The following CNIH2 variants were observed in gnomAD, a reference collection of about 807,000 sequenced individuals.
The protein encoded by CNIH2 is cornichon family AMPA receptor auxiliary protein 2, also known as protein cornichon homolog 2.
A neutral mutation model predicts 22.9 loss-of-function variants in CNIH2; 8 were observed. The ratio of observed to expected loss-of-function variants is 0.35; its 90% CI spans 0.20 to 0.63. The LOEUF (loss-of-function observed/expected upper bound fraction) is 0.63, where lower values mean the gene tolerates loss of function less well. Among genes scored for constraint, CNIH2 ranks in the 30% least tolerant of loss-of-function variants. The pLI, the probability that CNIH2 is intolerant of heterozygous loss-of-function variation, is 0.72. For synonymous variants in CNIH2, 74 were observed against 78.2 expected, an observed-to-expected ratio of 0.95 and a Z score of 0.28; for missense variants, 105 against 206.2, an observed-to-expected ratio of 0.51 and a Z score of 3.01.
chr11:66,283,469 T>G, intron 5 of CNIH2, 78 bp downstream of exon 5: 1 of 1,610,982 alleles, frequency 6.2e-7, no homozygotes, highest in Non-Finnish European at 8.5e-7. Context: ...AGTTCCTGCC[T>G]TTTGCCCCTG....
In CNIH2 at chr11:66,284,023, AG is replaced by A. The variant is rs1378008691; in HGVS notation, c.*432del. On this transcript the variant is annotated 3_prime_UTR_variant, in exon 6 of 6. Transcript: ENST00000311445. ...CGCACCGGGAATGAGCAGGCTCAGC[AG>A]GGGGGCAGCCCCACCCCTAGTCTGC... The A allele has an allele frequency of 2.9e-5, 6 of 209,710 alleles. No individual in the cohort carries two copies. Among genetic ancestry groups the A allele is most frequent in the East Asian group, 2.6e-4 (2 of 7,732 alleles). The allele number at this position is 209,710 out of a possible 1,614,324, so 13.0% of individuals were successfully genotyped here.
rs138296959 is a variant in CNIH2 at position 66,282,306 on chromosome 11, C to T, written c.129C>T (p.Asp43=). Reference sequence around the variant, plus strand: ...GGACCGACTTCAAGAACCCCATCGACCAGGGGAACCCTGCGCGGGCAGTAA... The same window carrying T: ...GGACCGACTTCAAGAACCCCATCGATCAGGGGAACCCTGCGCGGGCAGTAA... The part of the protein sequence containing the change: ...ELRTDFKNPI[D]QGNPARARER... The change falls in exon 2 of 6, where the codon GAC becomes GAT. Residue 43 remains aspartate, a synonymous_variant. Transcript: ENST00000311445. 182 of 1,613,648 alleles carry T rather than the reference C, an allele frequency of 1.1e-4. No individual in the cohort carries two copies. Among genetic ancestry groups the T allele is most frequent in the Non-Finnish European group, 1.5e-4 (178 of 1,180,002 alleles).
intron 2 of CNIH2, 77 bp downstream of exon 2, chr11:66,282,404 C>T: frequency 4.0e-5 from 4 of 100,726 alleles, no homozygotes; most frequent in South Asian, 7.0e-5. Flanking sequence ...GGGTGGGAGA[C>T]GGGAAGACGG....
Position 66,278,464 on chromosome 11 carries a change from T to A in CNIH2, c.8T>A (p.Phe3Tyr), listed in dbSNP as rs763563381. ...CCGCCCGGCGCGGGGGCCATGGCGT[T>A]CACCTTCGCCGCGTTCTGCTACATG... MA[F>Y]TFAAFCYMLT... Residue 3 changes from phenylalanine (F) to tyrosine (Y), a missense_variant, in exon 1 of 6, where the codon TTC becomes TAC. Transcript: ENST00000311445. 1 of 1,412,472 alleles carries A rather than the reference T, an allele frequency of 7.1e-7. No homozygotes were observed. The highest frequency in any genetic ancestry group is 9.3e-7 in the Non-Finnish European group (1 of 1,072,002). The allele number at this position is 1,412,472 out of a possible 1,614,324, so 87.5% of individuals were successfully genotyped here.
chr11:66,281,173 A>G lies in CNIH2; in HGVS notation c.82-1086A>G, dbSNP rs536226591. ...TACAACTCTCCTCACTCAGACCACC[A>G]TCAGCCCTGCCCCTAACCCTCCAAA... On this transcript the variant is annotated intron_variant, in intron 1 of 5. Transcript: ENST00000311445. 1.8e-4 allele frequency among the ~76,000 whole-genome samples: 27 copies of G among 152,178 alleles called. No homozygotes were observed. The East Asian group carries it at 2.7e-3, about 15-fold the overall frequency.
chr11:66,280,574 G>A (rs926841426), intron 1 of CNIH2, among the ~76,000 whole-genome samples: 1 of 152,198 alleles, frequency 6.6e-6, no homozygotes, highest in African/African-American at 2.4e-5. Flanking sequence ...ACGCGTGTCA[G>A]CTGTCACCAT....
chr11:66,280,766 G>C lies in CNIH2; in HGVS notation c.82-1493G>C, dbSNP rs370323434. On this transcript the variant is annotated intron_variant, in intron 1 of 5. Transcript: ENST00000311445. ...GCCCAGAGTCAATGGGGAGCTGGGC[G>C]GGGAGGGGGGATGATCCAGATGGCC... Among the ~76,000 whole-genome samples, 6 of 152,276 alleles carry C rather than the reference G, an allele frequency of 3.9e-5. No individual in the cohort carries two copies. In the South Asian group the frequency reaches 1.2e-3, roughly 32 times the overall value.
At position 66,283,739 on chromosome 11, in the gene CNIH2, C is replaced by A; in HGVS notation, c.*142C>A. ...AGCCTCTCCAACCCCCAAACTGCTG[C>A]TGCGGGGAACCCCCCCCACCCCGCC... is the stretch of plus-strand genomic sequence containing the variant. On this transcript the variant is annotated 3_prime_UTR_variant, in exon 6 of 6. Coordinates refer to ENST00000311445, the MANE Select transcript of CNIH2 (RefSeq NM_182553.3). 1 of 877,538 alleles carries A rather than the reference C, an allele frequency of 1.1e-6. No individual in the cohort carries two copies. Among genetic ancestry groups the A allele is most frequent in the Middle Eastern group, 3.5e-4 (1 of 2,826 alleles). 54.4% of individuals were successfully genotyped at this position (877,538 alleles called of 1,614,324 possible). A position where few individuals can be genotyped will look rare whatever the true frequency, so the allele number is the denominator to read the frequency against.
chr11:66,282,928 G>T lies in CNIH2; in HGVS notation c.199-107G>T, dbSNP rs1156922812. 3 of 1,355,098 alleles carry T rather than the reference G, an allele frequency of 2.2e-6. No individual in the cohort carries two copies. In the African/African-American group the frequency reaches 4.3e-5, roughly 20 times the overall value. 83.9% of individuals were successfully genotyped at this position (1,355,098 alleles called of 1,614,324 possible). A position where few individuals can be genotyped will look rare whatever the true frequency, so the allele number is the denominator to read the frequency against. ...GAAGCCAGAGGCCTTTTAATCCCCA[G>T]AGGTCACGGTGGGTGGGCACCTCCC... On this transcript the variant is annotated intron_variant, in intron 3 of 5. Transcript: ENST00000311445.
chr11:66,282,468 A>G, intron 2 of CNIH2, 141 bp downstream of exon 2: 3 of 1,073,122 alleles, frequency 2.8e-6, no homozygotes, highest in Non-Finnish European at 4.2e-6. Context: ...CTCCGCCCCC[A>G]GCAAACACCT....
chr11:66,281,059 A>G (rs1297763535), intron 1 of CNIH2, among the ~76,000 whole-genome samples: 6 of 152,072 alleles, frequency 3.9e-5, no homozygotes. Context: ...GCCACCTTAG[A>G]TTTCTGCCTT....
In CNIH2 at chr11:66,278,467, C is replaced by A; in HGVS notation, c.11C>A (p.Thr4Asn). The A allele has an allele frequency of 6.9e-7, 1 of 1,442,418 alleles. No individual in the cohort carries two copies. The highest frequency in any genetic ancestry group is 9.2e-7 in the Non-Finnish European group (1 of 1,088,724). 89.4% of individuals were successfully genotyped at this position (1,442,418 alleles called of 1,614,324 possible). ...CCCGGCGCGGGGGCCATGGCGTTCA[C>A]CTTCGCCGCGTTCTGCTACATGCTC... Reference protein sequence around the residue: MAFTFAAFCYMLTL... With the variant: MAFNFAAFCYMLTL... The change falls in exon 1 of 6, where the codon ACC becomes AAC. Residue 4 changes from threonine to asparagine, a missense_variant. Transcript: ENST00000311445.
Position 66,282,725 on chromosome 11 carries a change from C to T in CNIH2, c.151-8C>T, listed in dbSNP as rs1285694108. 6.2e-7 allele frequency: 1 copy of T among 1,613,640 alleles called. No individual in the cohort carries two copies. On this transcript the variant is annotated splice_region_variant and splice_polypyrimidine_tract_variant and intron_variant, in intron 2 of 5. Coordinates refer to ENST00000311445, the MANE Select transcript of CNIH2 (RefSeq NM_182553.3). Reference sequence around the variant, plus strand: ...CACCCCATCGCGGCCTTTTCCTTCCCCCAACAGCGCGAGCGTTTAAAAAAC... The same window carrying T: ...CACCCCATCGCGGCCTTTTCCTTCCTCCAACAGCGCGAGCGTTTAAAAAAC...
At chr11:66,280,046 G>A (rs1857236662) in intron 1 of CNIH2, among the ~76,000 whole-genome samples, 2 of 152,226 alleles carry the variant, frequency 1.3e-5, no homozygotes, top group African/African-American at 4.8e-5. Flanking sequence ...TGGAATTCAA[G>A]AAGCCTCTTT....
intron 2 of CNIH2, 96 bp downstream of exon 2, chr11:66,282,423 T>TTA: frequency 6.8e-6 from 1 of 147,072 alleles, no homozygotes; most frequent in Non-Finnish European, 1.3e-5. Flanking sequence ...GGGGGTGGGG[T>TTA]GGGGGGCCTA....
rs775522695 is a variant in CNIH2 at position 66,282,733 on chromosome 11, C to A, written c.151C>A (p.Arg51Ser). 6.2e-7 allele frequency: 1 copy of A among 1,613,718 alleles called. No homozygotes were observed. Among genetic ancestry groups the A allele is most frequent in the South Asian group, 1.1e-5 (1 of 91,084 alleles). ...CGCGGCCTTTTCCTTCCCCCAACAG[C>A]GCGAGCGTTTAAAAAACATCGAACG... ...PIDQGNPARA[R>S]ERLKNIERIC... Residue 51 changes from arginine to serine, a missense_variant and splice_region_variant, in exon 3 of 6, where the codon CGC becomes AGC. Arg to Ser is a moderately radical substitution (Grantham distance 110). Coordinates refer to ENST00000311445, the MANE Select transcript of CNIH2 (RefSeq NM_182553.3).
At chr11:66,283,446 G>C (rs938969260) in intron 5 of CNIH2, 55 bp downstream of exon 5, 5 of 1,611,668 alleles carry the variant, frequency 3.1e-6, no homozygotes, top group Non-Finnish European at 4.2e-6. Flanking sequence ...CCAGCATCAC[G>C]CTTCCAATCC....
At chr11:66,282,147 T>G in intron 1 of CNIH2, 112 bp from the exon 2 acceptor site, 3 of 944,602 alleles carry the variant, frequency 3.2e-6, no homozygotes, top group Non-Finnish European at 1.7e-6. Context: ...TCTCCACCTT[T>G]GCAACAAGCT....
intron 1 of CNIH2, among the ~76,000 whole-genome samples, chr11:66,278,914 T>TGC (rs1262325902): frequency 4.8e-5 from 2 of 42,040 alleles, no homozygotes; most frequent in Non-Finnish European, 8.3e-5. Context: ...GTCTGTCTGC[T>TGC]GCCCCCCCCC....
Sources: gnomAD v4.1 joint callset for allele counts (sites outside exome capture counted in the v4.1 genomes callset) on GRCh38, gnomAD v4.1.1 for gene constraint, MANE v1.5 for transcripts, NCBI Gene and HGNC (gene_info 2026-07-23, HGNC 2026-07-21) for gene names.